The following PPM1L variants were observed in gnomAD, a reference collection of about 807,000 sequenced individuals.
The protein encoded by PPM1L is protein phosphatase 1L.
Under a neutral mutation model 31.4 loss-of-function variants are expected in PPM1L, and 13 were observed. The observed-to-expected ratio is 0.41, with a 90% CI of 0.27 to 0.66. PPM1L has a LOEUF of 0.66. Ranked by LOEUF, PPM1L falls within the 30% of genes least tolerant of loss-of-function variation. The pLI, the probability that PPM1L is intolerant of heterozygous loss-of-function variation, is 0.29. For synonymous variants in PPM1L, 184 were observed against 175.4 expected, an observed-to-expected ratio of 1.05 and a Z score of -0.39; for missense variants, 326 against 453.7, an observed-to-expected ratio of 0.72 and a Z score of 2.56.
chr3:160,756,300 C>T lies in PPM1L; in HGVS notation c.-9C>T. On this transcript the variant is annotated 5_prime_UTR_variant, in exon 1 of 4. Coordinates refer to ENST00000498165, the MANE Select transcript of PPM1L (RefSeq NM_139245.4). This position sits in a 1 kb window ranked among gnomAD's most constrained non-coding sequence, Gnocchi z 6.2. ...TCGCTGGTGGTGGTTGAGGCTCTAG[C>T]GATAATAAATGATAGAGGATACAAT... 5 of 1,599,410 alleles carry T rather than the reference C, an allele frequency of 3.1e-6. No individual in the cohort carries two copies. The South Asian group carries it at 5.6e-5, about 18-fold the overall frequency.
Position 161,069,428 on chromosome 3 carries a change from A to G in PPM1L, c.*271A>G, listed in dbSNP as rs894122657. 2 of 455,152 alleles carry G rather than the reference A, an allele frequency of 4.4e-6. No individual in the cohort carries two copies. Among genetic ancestry groups the G allele is most frequent in the Non-Finnish European group, 7.9e-6 (2 of 253,648 alleles). The allele number at this position is 455,152 out of a possible 1,614,324, so 28.2% of individuals were successfully genotyped here. ...TAAGTAAATAGCTGTAGAGTCACAT[A>G]TATGAAGTGAATAGCATATGTGTCA... On this transcript the variant is annotated 3_prime_UTR_variant, in exon 4 of 4. Transcript: ENST00000498165.
intron 2 of PPM1L, among the ~76,000 whole-genome samples, chr3:160,962,145 G>A (rs530541333): frequency 6.6e-6 from 1 of 151,578 alleles, no homozygotes; most frequent in Admixed American, 6.6e-5. Flanking sequence ...GGATTTTTTT[G>A]GCCTTTTATT....
chr3:160,876,379 G>A (rs1377561666), intron 1 of PPM1L, among the ~76,000 whole-genome samples: 3 of 152,218 alleles, frequency 2.0e-5, no homozygotes, highest in East Asian at 3.8e-4. Context: ...CTGTGCTGCT[G>A]TAGAGTTGAA....
At chr3:160,789,714 GT>G (rs1251716377) in intron 1 of PPM1L, among the ~76,000 whole-genome samples, 4 of 151,284 alleles carry the variant, frequency 2.6e-5, no homozygotes, top group Admixed American at 6.6e-5. Context: ...TATGATCATA[GT>G]TTTTTTTTCT....
intron 1 of PPM1L, among the ~76,000 whole-genome samples, chr3:160,956,985 T>C (rs1045699557): frequency 3.9e-5 from 6 of 152,238 alleles, no homozygotes; most frequent in African/African-American, 7.2e-5. Flanking sequence ...TTTCCACCAG[T>C]TGGAGGAGCT....
chr3:160,829,163 C>T (rs2108096218), intron 1 of PPM1L, among the ~76,000 whole-genome samples: 1 of 151,874 alleles, frequency 6.6e-6, no homozygotes, highest in South Asian at 2.1e-4. Context: ...GTTTCCCCTA[C>T]CCCCTCCTTG....
At chr3:161,045,168 T>C (rs1719021522) in intron 2 of PPM1L, among the ~76,000 whole-genome samples, 1 of 152,112 alleles carries the variant, frequency 6.6e-6, no homozygotes, top group Non-Finnish European at 1.5e-5. Context: ...CACACAATAA[T>C]AATGGGAGAC....
intron 1 of PPM1L, among the ~76,000 whole-genome samples, chr3:160,780,451 C>T (rs899934794): frequency 4.6e-5 from 7 of 152,234 alleles, no homozygotes; most frequent in Non-Finnish European, 8.8e-5. Flanking sequence ...TCCATTGGAT[C>T]CTTATTCAGA....
intron 1 of PPM1L, among the ~76,000 whole-genome samples, chr3:160,945,271 GC>G (rs1318672001): frequency 6.6e-6 from 1 of 151,600 alleles, no homozygotes; most frequent in Non-Finnish European, 1.5e-5. Context: ...CCCTGTCTCA[GC>G]TGCTCAACTC....
chr3:161,042,443 A>G (rs1477020967), intron 2 of PPM1L, among the ~76,000 whole-genome samples: 1 of 152,184 alleles, frequency 6.6e-6, no homozygotes, highest in African/African-American at 2.4e-5. Flanking sequence ...AAGCCCAGAA[A>G]GTCAGGGACA....
chr3:160,814,448 C>T (rs56676932), intron 1 of PPM1L, among the ~76,000 whole-genome samples: 2 of 151,350 alleles, frequency 1.3e-5, no homozygotes, highest in East Asian at 2.0e-4. Flanking sequence ...TATCTATCAA[C>T]GAGTGGATGA....
chr3:160,846,203 A>G (rs1319405394), intron 1 of PPM1L, among the ~76,000 whole-genome samples: 1 of 152,146 alleles, frequency 6.6e-6, no homozygotes, highest in East Asian at 1.9e-4. Context: ...TTGGTTTTTC[A>G]TATTTCAAGT....
intron 2 of PPM1L, among the ~76,000 whole-genome samples, chr3:161,027,830 T>A (rs1333668011): frequency 6.6e-6 from 1 of 151,762 alleles, no homozygotes; most frequent in Non-Finnish European, 1.5e-5. Context: ...TGCAAAAAAA[T>A]TTGCAAAAAG....
intron 2 of PPM1L, among the ~76,000 whole-genome samples, chr3:160,998,276 A>G (rs752979881): frequency 3.3e-5 from 5 of 152,280 alleles, no homozygotes; most frequent in Non-Finnish European, 5.9e-5. Context: ...TCACTAATCC[A>G]GTTGTTTACA....
intron 1 of PPM1L, among the ~76,000 whole-genome samples, chr3:160,817,389 G>A (rs910478123): frequency 5.3e-5 from 8 of 152,040 alleles, no homozygotes. Flanking sequence ...GGTAATGAAA[G>A]TGTGAACTAG....
At chr3:160,823,929 C>T (rs1713278922) in intron 1 of PPM1L, among the ~76,000 whole-genome samples, 1 of 152,100 alleles carries the variant, frequency 6.6e-6, no homozygotes, top group South Asian at 2.1e-4. Flanking sequence ...TTATTTGAAT[C>T]ATTGTGGACA....
intron 2 of PPM1L, among the ~76,000 whole-genome samples, chr3:161,051,403 C>T (rs933864035): frequency 6.8e-6 from 1 of 147,934 alleles, no homozygotes; most frequent in Non-Finnish European, 1.5e-5. Flanking sequence ...CACACACACA[C>T]AACCATCCTG....
chr3:160,767,471 A>G (rs1387752301), intron 1 of PPM1L, among the ~76,000 whole-genome samples: 1 of 151,870 alleles, frequency 6.6e-6, no homozygotes, highest in Non-Finnish European at 1.5e-5. Flanking sequence ...CTGAGCTCAG[A>G]TGATCCACCC....
intron 1 of PPM1L, among the ~76,000 whole-genome samples, chr3:160,803,570 A>G (rs952814476): frequency 4.1e-5 from 6 of 147,262 alleles, no homozygotes; most frequent in Non-Finnish European, 7.4e-5. Flanking sequence ...AGAAAAAATT[A>G]AAATGGTATG....
Sources: gnomAD v4.1 joint callset for allele counts (sites outside exome capture counted in the v4.1 genomes callset) on GRCh38, gnomAD v4.1.1 for gene constraint, Gnocchi (gnomAD v3.1) non-coding constraint, MANE v1.5 for transcripts, NCBI Gene and HGNC (gene_info 2026-07-23, HGNC 2026-07-21) for gene names.